SYNJ1: variants seen among roughly 807,000 people sequenced by gnomAD.
SYNJ1 encodes polyphosphatidylinositol phosphatase SYNJ1.
A neutral mutation model predicts 168.2 loss-of-function variants in SYNJ1; 78 were observed. The observed-to-expected ratio is 0.46, with a 90% CI of 0.39 to 0.56. SYNJ1 has a LOEUF of 0.56. Among genes scored for constraint, SYNJ1 ranks in the 20% least tolerant of loss-of-function variants. The pLI, the probability that SYNJ1 is intolerant of heterozygous loss-of-function variation, is 0.00. For synonymous variants in SYNJ1, 539 were observed against 548.6 expected, an observed-to-expected ratio of 0.98 and a Z score of 0.24; for missense variants, 1,303 against 1,597.6, an observed-to-expected ratio of 0.82 and a Z score of 3.14.
chr21:32,684,921 T>G (rs1489304067), intron 9 of SYNJ1, among the ~76,000 whole-genome samples: 1 of 152,102 alleles, frequency 6.6e-6, no homozygotes, highest in East Asian at 1.9e-4. Flanking sequence ...GGCTCACGCC[T>G]GTAATCCCAG....
intron 15 of SYNJ1, among the ~76,000 whole-genome samples, chr21:32,669,385 C>T (rs1252729596): frequency 6.6e-6 from 1 of 152,152 alleles, no homozygotes; most frequent in East Asian, 1.9e-4. Flanking sequence ...TATCTGCTAC[C>T]ATGATCCTTA....
intron 14 of SYNJ1, chr21:32,670,885 A>C (rs2041158764): frequency 1.2e-6 from 1 of 863,308 alleles, no homozygotes; most frequent in African/African-American, 1.8e-5. Flanking sequence ...AAAGTAAGAC[A>C]CATCACTCTG....
Position 32,629,581 on chromosome 21 carries a change from A to C in SYNJ1, c.*2224T>G, listed in dbSNP as rs1263435907. 1 of 152,618 alleles carries C rather than the reference A, an allele frequency of 6.6e-6. No individual in the cohort carries two copies. The highest frequency in any genetic ancestry group is 6.5e-5 in the Admixed American group (1 of 15,280). 9.5% of individuals were successfully genotyped at this position (152,618 alleles called of 1,614,324 possible). ...CTATTTTTTGATATTCCCTCAATGTACATCTTTAAAGGTTAAGTGTGGACA... is the reference window on the plus strand; with the variant it reads ...CTATTTTTTGATATTCCCTCAATGTCCATCTTTAAAGGTTAAGTGTGGACA... On this transcript the variant is annotated 3_prime_UTR_variant, in exon 33 of 33. Coordinates refer to ENST00000674351, the MANE Select transcript of SYNJ1 (RefSeq NM_203446.3).
In SYNJ1 at chr21:32,670,916, A is replaced by C. The variant is rs185481955; in HGVS notation, c.1727-544T>G. ...CTCTGTCTAGCTGCTGGCACTCTGG[A>C]AACTACAAGGACTAACGGAGAACAG... On this transcript the variant is annotated intron_variant, in intron 14 of 32. Coordinates refer to ENST00000674351, the MANE Select transcript of SYNJ1 (RefSeq NM_203446.3). The C allele has an allele frequency of 9.0e-6, 6 of 669,236 alleles. No individual in the cohort carries two copies. The East Asian group carries it at 4.1e-4, about 46-fold the overall frequency. 41.5% of individuals were successfully genotyped at this position (669,236 alleles called of 1,614,324 possible). A position where few individuals can be genotyped will look rare whatever the true frequency, so the allele number is the denominator to read the frequency against.
chr21:32,698,403 A>G (rs1438729159), intron 4 of SYNJ1, among the ~76,000 whole-genome samples: 1 of 152,212 alleles, frequency 6.6e-6, no homozygotes, highest in Non-Finnish European at 1.5e-5. Context: ...CTCAAGGACT[A>G]TATAAGTGAC....
chr21:32,653,685 T>G (rs917282668), intron 21 of SYNJ1: 5 of 227,666 alleles, frequency 2.2e-5, no homozygotes, highest in Admixed American at 1.6e-4. Flanking sequence ...AGAGGTTAAG[T>G]GACTTGTTCA....
rs79791733 is a variant in SYNJ1, at chr21:32,721,680, GAAA to G, written c.124+5089_124+5091del. On this transcript the variant is annotated intron_variant, in intron 2 of 32. Transcript: ENST00000674351. The stretch of plus-strand genomic sequence containing the variant: ...GGTGACAGAGCAAGACTCCATCTTG[GAAA>G]AAAAAAAAAAGTAATTTTGAAACAA... 3.2e-4 allele frequency among the ~76,000 whole-genome samples: 43 copies of G among 135,594 alleles called. 1 individual carries two copies. The highest frequency in any genetic ancestry group is 1.1e-3 in the African/African-American group (42 of 36,760). 89.0% of individuals were successfully genotyped at this position (135,594 alleles called of 152,430 possible).
chr21:32,700,215 TATC>T (rs746514790), intron 3 of SYNJ1, 110 bp from the exon 4 acceptor site: 94 of 1,259,284 alleles, frequency 7.5e-5, no homozygotes, highest in Non-Finnish European at 9.9e-5. Context: ...ATTTTAAACT[TATC>T]ATGGATGTGT....
At position 32,639,076 on chromosome 21, in the gene SYNJ1, C is replaced by T. The variant is rs138579227; in HGVS notation, c.3747G>A (p.Pro1249=). 105 of 1,613,606 alleles carry T rather than the reference C, an allele frequency of 6.5e-5. No homozygotes were observed. Among genetic ancestry groups the T allele is most frequent in the Non-Finnish European group, 8.1e-5 (96 of 1,179,840 alleles). ...GAGCAGGCGGGGGCAAAGAAGACTG[C>T]GGAGGAAAAGCAGCCTGAGGCTTCA... ...EPLKPQAAFP[P]QSSLPPPAQR... The change falls in exon 31 of 33, where the codon CCG becomes CCA. Residue 1249 remains proline, a synonymous_variant. Coordinates refer to ENST00000674351, the MANE Select transcript of SYNJ1 (RefSeq NM_203446.3).
At position 32,681,662 on chromosome 21, in the gene SYNJ1, CAA is replaced by C. The variant is rs2041629073; in HGVS notation, c.1201-16_1201-15del. On this transcript the variant is annotated splice_polypyrimidine_tract_variant and intron_variant, in intron 10 of 32. Coordinates refer to ENST00000674351, the MANE Select transcript of SYNJ1 (RefSeq NM_203446.3). ...TTTAGCTAGCATCTTAAAAAGCAAA[CAA>C]GAAATTTTTATAAGTACATTAATAT... 6.2e-7 allele frequency: 1 copy of C among 1,601,856 alleles called. No individual in the cohort carries two copies. The highest frequency in any genetic ancestry group is 8.5e-7 in the Non-Finnish European group (1 of 1,175,904).
At chr21:32,665,626 C>T (rs1569063814) in intron 17 of SYNJ1, among the ~76,000 whole-genome samples, 3 of 152,224 alleles carry the variant, frequency 2.0e-5, no homozygotes, top group African/African-American at 7.2e-5. Context: ...ACATCATACA[C>T]ATACTGACTG....
chr21:32,722,728 A>G (rs1205138289), intron 2 of SYNJ1, among the ~76,000 whole-genome samples: 1 of 152,190 alleles, frequency 6.6e-6, no homozygotes, highest in Non-Finnish European at 1.5e-5. Context: ...AATATTACTA[A>G]GACACACAGG....
chr21:32,727,633 G>A (rs1355208583), intron 1 of SYNJ1, among the ~76,000 whole-genome samples: 3 of 152,150 alleles, frequency 2.0e-5, no homozygotes, highest in Non-Finnish European at 4.4e-5. Flanking sequence ...TCGGAGAGAC[G>A]GAAGAGCCGA....
rs1475763747 is a variant in SYNJ1 at position 32,716,686 on chromosome 21, C to CA, written c.124+10085dup. ...CTTGGATATGTGGATTCATAGCTTT[C>CA]ATGAAATTTGCAAAAGTGCCAGCTA... On this transcript the variant is annotated intron_variant, in intron 2 of 32. Transcript: ENST00000674351. Among the ~76,000 whole-genome samples the CA allele has an allele frequency of 3.3e-5, 5 of 152,292 alleles. No individual in the cohort carries two copies. The East Asian group carries it at 9.7e-4, about 29-fold the overall frequency.
In SYNJ1 at chr21:32,685,835, G is replaced by C. The variant is rs1257131188; in HGVS notation, c.1031C>G (p.Ala344Gly). Reference protein sequence around the residue: ...DYHQMVKGGKAEKLHSVLKPQ... With the variant: ...DYHQMVKGGKGEKLHSVLKPQ... ...TTTAAGAACACTATGTAATTTTTCT[G>C]CCTTTCCTCCCTTAACCATTTGATG... The change falls in exon 9 of 33, where the codon GCA becomes GGA. Residue 344 changes from alanine to glycine, a missense_variant. Coordinates refer to ENST00000674351, the MANE Select transcript of SYNJ1 (RefSeq NM_203446.3). 1.2e-6 allele frequency: 2 copies of C among 1,613,084 alleles called. No individual in the cohort carries two copies. The highest frequency in any genetic ancestry group is 2.2e-5 in the East Asian group (1 of 44,698).
chr21:32,691,187 G>T (rs2042013889), intron 6 of SYNJ1, among the ~76,000 whole-genome samples: 2 of 152,144 alleles, frequency 1.3e-5, no homozygotes, highest in Non-Finnish European at 2.9e-5. Context: ...CATGGGGGTG[G>T]AGTTCTCATG....
intron 32 of SYNJ1, among the ~76,000 whole-genome samples, chr21:32,634,125 A>G (rs765304896): frequency 6.6e-6 from 1 of 152,240 alleles, no homozygotes; most frequent in Non-Finnish European, 1.5e-5. Context: ...AGCTTAGAAC[A>G]GAAGTCACCT....
Position 32,650,267 on chromosome 21 carries a change from T to C in SYNJ1, c.2954A>G (p.Lys985Arg), listed in dbSNP as rs1325187801. ...TGATGATGGCAATGCAATGCTAATT[T>C]TCTCTAAACTCATTTCTTCTTCCAA... ...KNLEEEMSLE[K>R]ISIALPSSTS... is the part of the protein sequence containing the mutation. The change falls in exon 23 of 33, where the codon AAA becomes AGA. Residue 985 changes from lysine to arginine, a missense_variant. By Grantham distance (26) the Lys-to-Arg change is conservative (BLOSUM62 2). Around this residue, in one of 2 missense-constraint regions of SYNJ1, gnomAD observed 920 missense variants for 1,208.8 expected, o/e 0.76. Transcript: ENST00000674351. 3 of 1,613,962 alleles carry C rather than the reference T, an allele frequency of 1.9e-6. No homozygotes were observed. Among genetic ancestry groups the C allele is most frequent in the Non-Finnish European group, 2.5e-6 (3 of 1,180,002 alleles).
In SYNJ1 at chr21:32,666,515, T is replaced by C. The variant is rs749119626; in HGVS notation, c.1870A>G (p.Lys624Glu). Residue 624 changes from lysine (K) to glutamate (E), a missense_variant, in exon 16 of 33, where the codon AAG (lysine) becomes GAG (glutamate). Coordinates refer to ENST00000674351, the MANE Select transcript of SYNJ1 (RefSeq NM_203446.3). ...TGTTCAGAAGCCAGCAGCACATACT[T>C]GTTGTCTCTGGAGATTGTCTTCTGA... The part of the protein sequence containing the change: ...ELQKTISRDN[K>E]YVLLASEQLV... 1 of 1,614,116 alleles carries C rather than the reference T, an allele frequency of 6.2e-7. No homozygotes were observed. Among genetic ancestry groups the C allele is most frequent in the Non-Finnish European group, 8.5e-7 (1 of 1,179,984 alleles).
Sources: allele counts gnomAD v4.1 joint callset (sites outside exome capture counted in the v4.1 genomes callset), GRCh38; gene constraint gnomAD v4.1.1; regional missense constraint gnomAD v4.1.1; transcripts MANE v1.5; gene names NCBI Gene and HGNC (gene_info 2026-07-23, HGNC 2026-07-21).